The following TEC variants were observed in gnomAD, a reference collection of about 807,000 sequenced individuals.
TEC encodes tec protein tyrosine kinase.
Under a neutral mutation model 93.0 loss-of-function variants are expected in TEC, and 72 were observed. The ratio of observed to expected loss-of-function variants is 0.77; its 90% CI spans 0.64 to 0.94. The LOEUF (loss-of-function observed/expected upper bound fraction) is 0.94. Ranked by LOEUF, TEC falls within the 40% of genes least tolerant of loss-of-function variation. The pLI, the probability that TEC is intolerant of heterozygous loss-of-function variation, is 0.00. For missense variants in TEC, 630 were observed against 757.9 expected, an observed-to-expected ratio of 0.83 and a Z score of 1.98; for synonymous variants, 249 against 247.7, an observed-to-expected ratio of 1.01 and a Z score of -0.05.
chr4:48,265,958 T>C (rs565522028), intron 1 of TEC, among the ~76,000 whole-genome samples: 1 of 152,322 alleles, frequency 6.6e-6, no homozygotes, highest in African/African-American at 2.4e-5. Flanking sequence ...GAGAAAATTC[T>C]ATAAACTTCA....
At chr4:48,167,112 G>C (rs1560385449) in intron 7 of TEC, among the ~76,000 whole-genome samples, 1 of 151,974 alleles carries the variant, frequency 6.6e-6, no homozygotes, top group Non-Finnish European at 1.5e-5. Flanking sequence ...ATCCCCTACA[G>C]TTACCCCTAT....
chr4:48,224,239 C>G (rs1388755274), intron 2 of TEC, among the ~76,000 whole-genome samples: 2 of 152,178 alleles, frequency 1.3e-5, no homozygotes, highest in Non-Finnish European at 2.9e-5. Context: ...AAAAGCCAAC[C>G]AAATTAAGAG....
intron 2 of TEC, among the ~76,000 whole-genome samples, chr4:48,216,966 T>C (rs1230097679): frequency 6.6e-6 from 1 of 152,224 alleles, no homozygotes; most frequent in Non-Finnish European, 1.5e-5. Flanking sequence ...GGACCAAACC[T>C]TTGATTAAAC....
chr4:48,257,656 A>T (rs1724380766), intron 1 of TEC, among the ~76,000 whole-genome samples: 1 of 152,230 alleles, frequency 6.6e-6, no homozygotes, highest in Admixed American at 6.5e-5. Flanking sequence ...AGAGCTTAGC[A>T]TGGAGCCTGG....
At chr4:48,202,348 T>C (rs1310656179) in intron 2 of TEC, among the ~76,000 whole-genome samples, 1 of 152,084 alleles carries the variant, frequency 6.6e-6, no homozygotes, top group Admixed American at 6.5e-5. Context: ...AGCAGATCAC[T>C]TGAGGTCAGG....
rs370469130 is a variant in TEC at position 48,137,372 on chromosome 4, C to A, written c.*44G>T. The A allele has an allele frequency of 6.6e-7, 1 of 1,518,252 alleles. No individual in the cohort carries two copies. The allele number at this position is 1,518,252 out of a possible 1,614,324, so 94.0% of individuals were successfully genotyped here. A position where few individuals can be genotyped will look rare whatever the true frequency, so the allele number is the denominator to read the frequency against. ...AATTAAAAGCCACAAAATGCCCATC[C>A]TTCCTTGTGCTTGGGAATCTGGGAG... On this transcript the variant is annotated 3_prime_UTR_variant, in exon 18 of 18. Coordinates refer to ENST00000381501, the MANE Select transcript of TEC (RefSeq NM_003215.3).
At chr4:48,224,960 G>T (rs1723393842) in intron 2 of TEC, among the ~76,000 whole-genome samples, 1 of 152,102 alleles carries the variant, frequency 6.6e-6, no homozygotes, top group African/African-American at 2.4e-5. Flanking sequence ...ATAAATCATA[G>T]TTATTAGATC....
At chr4:48,236,180 A>C (rs1723778075) in intron 1 of TEC, among the ~76,000 whole-genome samples, 2 of 152,262 alleles carry the variant, frequency 1.3e-5, no homozygotes, top group South Asian at 4.1e-4. Flanking sequence ...TCTGAGAAAG[A>C]AAATAATAGG....
chr4:48,216,025 C>T (rs1030527581), intron 2 of TEC, among the ~76,000 whole-genome samples: 7 of 152,168 alleles, frequency 4.6e-5, no homozygotes, highest in Admixed American at 3.3e-4. Context: ...TTATTACTAA[C>T]AAATCAACTA....
chr4:48,150,657 C>A (rs1242809696), intron 10 of TEC, among the ~76,000 whole-genome samples: 1 of 152,006 alleles, frequency 6.6e-6, no homozygotes, highest in African/African-American at 2.4e-5. Flanking sequence ...TAGCCATACT[C>A]AACAAATATA....
chr4:48,235,784 GC>G (rs1436233672), intron 1 of TEC, among the ~76,000 whole-genome samples: 5 of 152,124 alleles, frequency 3.3e-5, no homozygotes, highest in Non-Finnish European at 5.9e-5. Context: ...TCATTATTAA[GC>G]TTTTACTACT....
chr4:48,228,395 C>T, intron 2 of TEC, 82 bp downstream of exon 2: 1 of 1,401,216 alleles, frequency 7.1e-7, no homozygotes, highest in Non-Finnish European at 9.4e-7. Context: ...AAAGCATTTT[C>T]AATAAGATTG....
chr4:48,227,660 A>AC (rs1156600654), intron 2 of TEC, among the ~76,000 whole-genome samples: 2 of 151,612 alleles, frequency 1.3e-5, no homozygotes, highest in African/African-American at 4.9e-5. Flanking sequence ...AAAAAAAAAA[A>AC]ACTAAACCAG....
chr4:48,151,808 G>C (rs966437349), intron 9 of TEC, among the ~76,000 whole-genome samples: 2 of 152,200 alleles, frequency 1.3e-5, no homozygotes, highest in Admixed American at 6.6e-5. Flanking sequence ...TTTACAAAAG[G>C]AGAGATGGAG....
At chr4:48,140,871 C>T (rs1413232368) in intron 15 of TEC, among the ~76,000 whole-genome samples, 2 of 152,022 alleles carry the variant, frequency 1.3e-5, no homozygotes, top group African/African-American at 2.4e-5. Context: ...AAGCTGCATG[C>T]GGGCAAGGAC....
intron 2 of TEC, among the ~76,000 whole-genome samples, chr4:48,193,080 T>C (rs1331843839): frequency 6.6e-6 from 1 of 152,140 alleles, no homozygotes; most frequent in African/African-American, 2.4e-5. Context: ...CTAAGTGGAA[T>C]TGCTGAGCAG....
chr4:48,141,685 C>CTTTT (rs377475900), intron 14 of TEC: 4 of 203,278 alleles, frequency 2.0e-5, no homozygotes, highest in South Asian at 7.3e-5. Flanking sequence ...TCTTTTCTTT[C>CTTTT]TTTTTTTTTT....
intron 2 of TEC, among the ~76,000 whole-genome samples, chr4:48,213,930 A>G (rs556915122): frequency 1.3e-5 from 2 of 152,330 alleles, no homozygotes; most frequent in Admixed American, 1.3e-4. Flanking sequence ...AACTGGGATT[A>G]TAAGTGCTAG....
In TEC at chr4:48,254,683, G is replaced by C. The variant is rs571255663; in HGVS notation, c.-46+15069C>G. Among the ~76,000 whole-genome samples the C allele has an allele frequency of 4.6e-5, 7 of 152,378 alleles. No homozygotes were observed. In the East Asian group the frequency reaches 1.2e-3, roughly 25 times the overall value. On this transcript the variant is annotated intron_variant, in intron 1 of 17. Coordinates refer to ENST00000381501, the MANE Select transcript of TEC (RefSeq NM_003215.3). ...GTTAGCATTCAATAGTCTTTGATCA[G>C]CATCCAAAGAGTAGGTTGACGAGTA...
Sources: allele counts gnomAD v4.1 joint callset (sites outside exome capture counted in the v4.1 genomes callset), GRCh38; gene constraint gnomAD v4.1.1; transcripts MANE v1.5; gene names NCBI Gene and HGNC (gene_info 2026-07-23, HGNC 2026-07-21).